PIK3C3: variants seen among roughly 807,000 people sequenced by gnomAD.
The protein encoded by PIK3C3 is PI3-kinase type 3.
PIK3C3 carries 95 observed loss-of-function variants against 126.1 expected under a neutral mutation model. The observed-to-expected ratio is 0.75, with a 90% CI of 0.64 to 0.89. The LOEUF is 0.89. Among genes scored for constraint, PIK3C3 ranks in the 40% least tolerant of loss-of-function variants. The pLI is 0.00. For missense variants in PIK3C3, 829 were observed against 1,063.2 expected (o/e 0.78, Z 3.06); for synonymous variants, 374 against 360.0 (o/e 1.04, Z -0.44).
chr18:42,015,597 G>A, intron 12 of PIK3C3, 31 bp downstream of exon 12: 2 of 1,471,298 alleles, frequency 1.4e-6, no homozygotes, highest in Non-Finnish European at 1.9e-6. Flanking sequence ...GCTTCCTATA[G>A]GAGAGATCCT....
At chr18:42,024,789 A>C (rs1022426377) in intron 13 of PIK3C3, among the ~76,000 whole-genome samples, 4 of 150,288 alleles carry the variant, frequency 2.7e-5, no homozygotes, top group Non-Finnish European at 5.9e-5. Flanking sequence ...ATGAGCATCA[A>C]CATATTTTTT....
chr18:41,994,335 C>G (rs1452766106), intron 7 of PIK3C3, among the ~76,000 whole-genome samples: 1 of 152,112 alleles, frequency 6.6e-6, no homozygotes, highest in Non-Finnish European at 1.5e-5. Context: ...AGTATAAAAT[C>G]AAATTATATT....
intron 17 of PIK3C3, 106 bp downstream of exon 17, chr18:42,037,926 C>A: frequency 9.3e-7 from 1 of 1,075,058 alleles, no homozygotes; most frequent in Non-Finnish European, 1.3e-6. Context: ...CATTCAGGTA[C>A]GATCCTAGAA....
intron 15 of PIK3C3, among the ~76,000 whole-genome samples, chr18:42,031,217 T>A (rs1469140984): frequency 6.6e-6 from 1 of 152,202 alleles, no homozygotes; most frequent in African/African-American, 2.4e-5. Context: ...CACTTTTTCA[T>A]CCCTCATAAT....
Position 42,004,476 on chromosome 18 carries a change from T to G in PIK3C3, c.1105T>G (p.Ser369Ala). The G allele has an allele frequency of 6.2e-7, 1 of 1,613,628 alleles. No homozygotes were observed. The highest frequency in any genetic ancestry group is 1.1e-5 in the South Asian group (1 of 90,948). ...DVEDSLELLS[S>A]HYTNPTVRRY... Reference sequence around the variant, plus strand: ...AGAGGACTCCTTGGAGCTGTTATCCTCTCATTACACCAACCCAACTGTGAG... The same window carrying G: ...AGAGGACTCCTTGGAGCTGTTATCCGCTCATTACACCAACCCAACTGTGAG... Residue 369 changes from serine (S) to alanine (A), a missense_variant, in exon 10 of 25, where the codon TCT (serine) becomes GCT (alanine). Ser to Ala is a moderately conservative substitution (Grantham distance 99). Around this residue, in one of 4 missense-constraint regions of PIK3C3, gnomAD observed 64 missense variants for 118.7 expected, o/e 0.54. Transcript: ENST00000262039.
At chr18:42,014,691 A>G (rs1325779146) in intron 11 of PIK3C3, among the ~76,000 whole-genome samples, 1 of 152,244 alleles carries the variant, frequency 6.6e-6, no homozygotes, top group African/African-American at 2.4e-5. Flanking sequence ...TGACAAAACC[A>G]GGTCTAAATT....
At chr18:42,007,135 T>C (rs1211380126) in intron 10 of PIK3C3, among the ~76,000 whole-genome samples, 1 of 152,226 alleles carries the variant, frequency 6.6e-6, no homozygotes, top group African/African-American at 2.4e-5. Context: ...CCCGAAGTGC[T>C]GGGATTACAG....
At chr18:42,021,380 C>G (rs1014907070) in intron 13 of PIK3C3, among the ~76,000 whole-genome samples, 1 of 151,960 alleles carries the variant, frequency 6.6e-6, no homozygotes, top group Admixed American at 6.6e-5. Flanking sequence ...CTTTATTTGC[C>G]CCAGAATCCT....
chr18:42,034,057 CT>C, intron 16 of PIK3C3, 100 bp downstream of exon 16: 1 of 713,226 alleles, frequency 1.4e-6, no homozygotes, highest in Non-Finnish European at 2.2e-6. Flanking sequence ...GAGATCACAT[CT>C]ATAATTCTAG....
chr18:42,008,013 A>G (rs1982631865), intron 10 of PIK3C3, among the ~76,000 whole-genome samples: 1 of 152,106 alleles, frequency 6.6e-6, no homozygotes, highest in South Asian at 2.1e-4. Context: ...AATGGCTTCT[A>G]TATATTATCA....
At chr18:42,031,455 C>T (rs1983823390) in intron 15 of PIK3C3, among the ~76,000 whole-genome samples, 1 of 152,098 alleles carries the variant, frequency 6.6e-6, no homozygotes, top group Admixed American at 6.6e-5. Flanking sequence ...CTTGCTCCGT[C>T]GTCCAGGCTG....
chr18:42,057,837 C>T, intron 21 of PIK3C3, 46 bp from the exon 22 acceptor site: 3 of 1,578,210 alleles, frequency 1.9e-6, no homozygotes, highest in South Asian at 1.1e-5. Context: ...CTACCCAGTT[C>T]TTTAAGATAA....
At chr18:42,061,241 C>A (rs547205758) in intron 22 of PIK3C3, among the ~76,000 whole-genome samples, 2 of 152,114 alleles carry the variant, frequency 1.3e-5, no homozygotes, top group African/African-American at 4.8e-5. Context: ...CGCTTTCCCA[C>A]CCTATTATTG....
intron 11 of PIK3C3, 88 bp from the exon 12 acceptor site, chr18:42,015,388 T>C (rs1983025052): frequency 2.2e-6 from 2 of 929,200 alleles, no homozygotes; most frequent in East Asian, 2.5e-5. Flanking sequence ...CTAGACACAA[T>C]TGAAGTGAAC....
intron 2 of PIK3C3, 126 bp from the exon 3 acceptor site, chr18:41,962,363 T>G (rs1980132192): frequency 3.2e-6 from 2 of 628,594 alleles, no homozygotes; most frequent in African/African-American, 3.8e-5. Flanking sequence ...TGCCATATTA[T>G]TTTTTAGAGT....
intron 2 of PIK3C3, among the ~76,000 whole-genome samples, 178 bp downstream of exon 2, chr18:41,957,936 G>A (rs924336056): frequency 7.2e-5 from 11 of 152,182 alleles, no homozygotes; most frequent in Non-Finnish European, 1.3e-4. Flanking sequence ...TATTATAACT[G>A]CAATTGAAAT....
intron 15 of PIK3C3, among the ~76,000 whole-genome samples, chr18:42,030,756 A>G (rs984007306): frequency 1.1e-4 from 17 of 152,186 alleles, no homozygotes; most frequent in African/African-American, 4.1e-4. Context: ...TGTGTGGGAA[A>G]CAGTGTGATT....
At chr18:42,045,175 A>G (rs1464483794) in intron 20 of PIK3C3, among the ~76,000 whole-genome samples, 1 of 152,248 alleles carries the variant, frequency 6.6e-6, no homozygotes, top group Non-Finnish European at 1.5e-5. Context: ...TTTTTACTAT[A>G]GGAATATAAA....
intron 2 of PIK3C3, 45 bp downstream of exon 2, chr18:41,957,803 C>T: frequency 1.4e-6 from 2 of 1,416,274 alleles, no homozygotes; most frequent in South Asian, 1.3e-5. Context: ...CTGTTCTTAC[C>T]TTTCTTTATG....
Sources: gnomAD v4.1 joint callset for allele counts (sites outside exome capture counted in the v4.1 genomes callset) on GRCh38, gnomAD v4.1.1 for gene constraint, gnomAD v4.1.1 regional missense constraint, MANE v1.5 for transcripts, NCBI Gene and HGNC (gene_info 2026-07-23, HGNC 2026-07-21) for gene names.